Variants in SLC24A3 observed in about 807,000 individuals in gnomAD.
SLC24A3 encodes solute carrier family 24 member 3.
A neutral mutation model predicts 75.8 loss-of-function variants in SLC24A3; 28 were observed. The observed-to-expected ratio is 0.37, with a 90% CI of 0.27 to 0.51. The LOEUF (loss-of-function observed/expected upper bound fraction) is 0.51. Among genes scored for constraint, SLC24A3 ranks in the 20% least tolerant of loss-of-function variants. The probability of loss-of-function intolerance (pLI) is 0.94; values close to 1 mark genes in which losing one functional copy is unlikely to be tolerated. For synonymous variants in SLC24A3, 372 were observed against 334.1 expected, an observed-to-expected ratio of 1.11 and a Z score of -1.24; for missense variants, 663 against 847.8, an observed-to-expected ratio of 0.78 and a Z score of 2.71.
intron 2 of SLC24A3, among the ~76,000 whole-genome samples, chr20:19,437,701 C>A (rs1196977548): frequency 1.3e-5 from 2 of 152,144 alleles, no homozygotes; most frequent in Non-Finnish European, 2.9e-5. Flanking sequence ...CCCTGCCCTG[C>A]AGTTCTCTAT....
intron 2 of SLC24A3, among the ~76,000 whole-genome samples, chr20:19,496,332 C>T (rs1988286704): frequency 6.6e-6 from 1 of 152,168 alleles, no homozygotes; most frequent in Non-Finnish European, 1.5e-5. Flanking sequence ...AACAGACACT[C>T]AGGAGCTGAT....
At chr20:19,558,034 G>A (rs115770041) in intron 3 of SLC24A3, among the ~76,000 whole-genome samples, 3,271 of 152,144 alleles carry the variant, frequency 0.021, 113 homozygotes, top group African/African-American at 0.073. Flanking sequence ...AACTAAATGC[G>A]TTGAAGCATA....
At chr20:19,330,974 A>G (rs1174776622) in intron 2 of SLC24A3, among the ~76,000 whole-genome samples, 1 of 152,288 alleles carries the variant, frequency 6.6e-6, no homozygotes, top group East Asian at 1.9e-4. Context: ...CCAATGAGGA[A>G]CATTCTATTG....
chr20:19,230,555 C>T (rs1981990846), intron 1 of SLC24A3, among the ~76,000 whole-genome samples: 1 of 151,522 alleles, frequency 6.6e-6, no homozygotes, highest in African/African-American at 2.4e-5. Flanking sequence ...CCTTTTGCTT[C>T]TTTGCCTAGT....
chr20:19,463,682 A>G (rs992694418), intron 2 of SLC24A3, among the ~76,000 whole-genome samples: 1 of 152,210 alleles, frequency 6.6e-6, no homozygotes. Context: ...GGATGTGCAC[A>G]CAGGAGCCCT....
intron 3 of SLC24A3, among the ~76,000 whole-genome samples, chr20:19,524,923 A>G (rs2030170733): frequency 6.6e-6 from 1 of 152,240 alleles, no homozygotes; most frequent in South Asian, 2.1e-4. Context: ...CAATCTGGAT[A>G]AAATAGCCAA....
rs186166105 is a variant in SLC24A3, at chr20:19,712,981, C to T, written c.1720-4547C>T. 8.8e-3 allele frequency among the ~76,000 whole-genome samples: 1,338 copies of T among 152,282 alleles called. 27 individuals carry two copies. Among genetic ancestry groups the T allele is most frequent in the African/African-American group, 0.03 (1,250 of 41,560 alleles). On this transcript the variant is annotated intron_variant, in intron 15 of 16. Coordinates refer to ENST00000328041, the MANE Select transcript of SLC24A3 (RefSeq NM_020689.4). ...TCAGGCAAGGCTTACAGAAGGGCAC[C>T]TGAGAACTTTCTGGAATGACAGAAG...
At chr20:19,693,618 C>T in intron 13 of SLC24A3, 193 bp downstream of exon 13, 2 of 625,708 alleles carry the variant, frequency 3.2e-6, no homozygotes, top group Non-Finnish European at 5.1e-6. Context: ...TTCATGTTGA[C>T]TGTGGATTCA....
At chr20:19,382,510 C>A (rs1020862889) in intron 2 of SLC24A3, among the ~76,000 whole-genome samples, 4 of 152,156 alleles carry the variant, frequency 2.6e-5, no homozygotes, top group African/African-American at 9.7e-5. Context: ...GTTCCAGGGG[C>A]CTTGCGGCTG....
intron 1 of SLC24A3, among the ~76,000 whole-genome samples, chr20:19,271,892 G>T (rs1157877205): frequency 6.6e-6 from 1 of 152,184 alleles, no homozygotes; most frequent in Admixed American, 6.5e-5. Context: ...CTGCTCAGAT[G>T]ATGGGTGCAC....
rs1481413896 is a variant in SLC24A3 at position 19,685,228 on chromosome 20, G to A, written c.1191G>A (p.Gly397=). The change falls in exon 12 of 17, where the codon GGG becomes GGA. Residue 397 remains glycine (G), a synonymous_variant. Coordinates refer to ENST00000328041, the MANE Select transcript of SLC24A3 (RefSeq NM_020689.4). The stretch of plus-strand genomic sequence containing the variant: ...GTGCCCCAGACAGGGGCGTGAATGG[G>A]ACACGGAGGGACGATGTTGTGGCTG... ...PSSAPDRGVN[G]TRRDDVVAEA... The A allele has an allele frequency of 1.2e-6, 2 of 1,614,166 alleles. No individual in the cohort carries two copies. The highest frequency in any genetic ancestry group is 1.6e-4 in the Middle Eastern group (1 of 6,062).
intron 2 of SLC24A3, among the ~76,000 whole-genome samples, chr20:19,507,593 A>G (rs534452196): frequency 6.6e-6 from 1 of 152,338 alleles, no homozygotes; most frequent in South Asian, 2.1e-4. Context: ...TGAGCCAGGC[A>G]CTGGTTTGAA....
At chr20:19,600,772 C>A (rs2031517727) in intron 6 of SLC24A3, among the ~76,000 whole-genome samples, 1 of 152,190 alleles carries the variant, frequency 6.6e-6, no homozygotes, top group Non-Finnish European at 1.5e-5. Flanking sequence ...GATCCTCCCA[C>A]CTCAGCCTCC....
Position 19,698,559 on chromosome 20 carries a change from T to A in SLC24A3, c.1607-9T>A. 1 of 1,568,726 alleles carries A rather than the reference T, an allele frequency of 6.4e-7. No homozygotes were observed. The highest frequency in any genetic ancestry group is 8.7e-7 in the Non-Finnish European group (1 of 1,154,648). On this transcript the variant is annotated splice_polypyrimidine_tract_variant and intron_variant, in intron 14 of 16. Coordinates refer to ENST00000328041, the MANE Select transcript of SLC24A3 (RefSeq NM_020689.4). The stretch of plus-strand genomic sequence containing the variant: ...CTTCCCTCTCTTAAGTGACCTCTTG[T>A]CCCTGCAGGGATGGGGGACATGGCT...
chr20:19,376,628 CTTTT>C (rs11087280), intron 2 of SLC24A3, among the ~76,000 whole-genome samples: 1 of 144,698 alleles, frequency 6.9e-6, no homozygotes, highest in Non-Finnish European at 1.5e-5. Context: ...GTCATTGCCA[CTTTT>C]TTTTTTTTTT....
chr20:19,673,619 T>C lies in SLC24A3; in HGVS notation c.732T>C (p.Leu244=), dbSNP rs2032493101. The C allele has an allele frequency of 6.2e-7, 1 of 1,614,156 alleles. No homozygotes were observed. Among genetic ancestry groups the C allele is most frequent in the East Asian group, 2.2e-5 (1 of 44,890 alleles). The change falls in exon 9 of 17, where the codon CTT becomes CTC. Residue 244 remains leucine (L), a synonymous_variant. Transcript: ENST00000328041. ...EKVSWWESLV[L]VLMYLIYIVI... Reference sequence around the variant, plus strand: ...CACACAGGTGGGAGTCTTTAGTCCTTGTGCTGATGTATCTTATCTACATTG... The same window carrying C: ...CACACAGGTGGGAGTCTTTAGTCCTCGTGCTGATGTATCTTATCTACATTG...
intron 2 of SLC24A3, among the ~76,000 whole-genome samples, chr20:19,342,091 C>T (rs1985285125): frequency 6.6e-6 from 1 of 152,176 alleles, no homozygotes; most frequent in Admixed American, 6.5e-5. Flanking sequence ...TAAGGTGGGG[C>T]ACCAACTTTG....
chr20:19,466,932 G>GGA (rs1987775891), intron 2 of SLC24A3, among the ~76,000 whole-genome samples: 1 of 152,170 alleles, frequency 6.6e-6, no homozygotes, highest in Non-Finnish European at 1.5e-5. Flanking sequence ...GCACACTGAG[G>GGA]AATAAGACAG....
intron 1 of SLC24A3, among the ~76,000 whole-genome samples, chr20:19,225,705 A>T (rs1346852051): frequency 6.6e-6 from 1 of 152,184 alleles, no homozygotes; most frequent in Non-Finnish European, 1.5e-5. Flanking sequence ...CTTTTGAAAC[A>T]GGCTTTTTTC....
Sources: gnomAD v4.1 joint callset for allele counts (sites outside exome capture counted in the v4.1 genomes callset) on GRCh38, gnomAD v4.1.1 for gene constraint, MANE v1.5 for transcripts, NCBI Gene and HGNC (gene_info 2026-07-23, HGNC 2026-07-21) for gene names.